The following TMEFF1 variants were observed in gnomAD, a reference collection of about 807,000 sequenced individuals.
The protein encoded by TMEFF1 is tomoregulin-1.
In TMEFF1, 20 loss-of-function variants were observed where a neutral mutation model predicts 47.5. The ratio of observed to expected loss-of-function variants is 0.42; its 90% CI spans 0.30 to 0.61. The LOEUF is 0.61. Ranked by LOEUF, TMEFF1 falls within the 20% of genes least tolerant of loss-of-function variation. TMEFF1 has a pLI of 0.19. For synonymous variants in TMEFF1, 162 were observed against 166.3 expected, an observed-to-expected ratio of 0.97 and a Z score of 0.20; for missense variants, 411 against 471.1, an observed-to-expected ratio of 0.87 and a Z score of 1.18.
intron 8 of TMEFF1, among the ~76,000 whole-genome samples, chr9:100,567,205 C>T (rs1395026560): frequency 6.6e-6 from 1 of 152,212 alleles, no homozygotes; most frequent in Non-Finnish European, 1.5e-5. Context: ...GCCATGCATG[C>T]ATGGATGCTC....
chr9:100,542,120 A>G (rs1422119285), intron 5 of TMEFF1, among the ~76,000 whole-genome samples: 1 of 133,376 alleles, frequency 7.5e-6, no homozygotes, highest in Non-Finnish European at 1.6e-5. Context: ...CCTTTTTTGG[A>G]TTTTTTTTTT....
intron 1 of TMEFF1, among the ~76,000 whole-genome samples, chr9:100,489,296 C>G (rs538772728): frequency 1.3e-5 from 2 of 152,154 alleles, no homozygotes; most frequent in East Asian, 3.9e-4. Flanking sequence ...CAGCCTTGAC[C>G]TCCGGCTCGT....
Position 100,576,498 on chromosome 9 carries a change from C to CT in TMEFF1, c.1059-11dup, listed in dbSNP as rs1564031645. 1 of 1,602,050 alleles carries CT rather than the reference C, an allele frequency of 6.2e-7. No individual in the cohort carries two copies. The highest frequency in any genetic ancestry group is 8.5e-7 in the Non-Finnish European group (1 of 1,176,662). ...ATCAAAACAATATTTTTCTCTCTTTCTTTTTTTAATGCAACAGAAAATGCC... is the reference window on the plus strand; with the variant it reads ...ATCAAAACAATATTTTTCTCTCTTTCTTTTTTTTAATGCAACAGAAAATGCC... On this transcript the variant is annotated splice_polypyrimidine_tract_variant and intron_variant, in intron 9 of 9. Transcript: ENST00000374879.
chr9:100,516,546 G>A lies in TMEFF1; in HGVS notation c.464-129G>A, dbSNP rs1423904874. On this transcript the variant is annotated intron_variant, in intron 4 of 9. Transcript: ENST00000374879. Reference sequence around the variant, plus strand: ...TGAACTTCAAGCATTGGTAGATTTTGGAAGTGACTGTTTTCAAGAGCTCAG... The same window carrying A: ...TGAACTTCAAGCATTGGTAGATTTTAGAAGTGACTGTTTTCAAGAGCTCAG... The A allele has an allele frequency of 5.0e-5, 59 of 1,174,138 alleles. 1 individual carries two copies. The South Asian group carries it at 9.4e-4, about 19-fold the overall frequency. The allele number at this position is 1,174,138 out of a possible 1,614,324, so 72.7% of individuals were successfully genotyped here.
At chr9:100,560,710 T>C (rs1348054373) in intron 7 of TMEFF1, among the ~76,000 whole-genome samples, 2 of 152,226 alleles carry the variant, frequency 1.3e-5, no homozygotes, top group Non-Finnish European at 2.9e-5. Context: ...TACTTAAGTC[T>C]GAGCAGATGT....
At chr9:100,485,650 T>A (rs1837433306) in intron 1 of TMEFF1, among the ~76,000 whole-genome samples, 2 of 152,224 alleles carry the variant, frequency 1.3e-5, no homozygotes, top group Admixed American at 1.3e-4. Context: ...GGGAGATAAC[T>A]TCAACCTATT....
intron 2 of TMEFF1, among the ~76,000 whole-genome samples, chr9:100,506,644 G>A (rs1418771939): frequency 6.6e-6 from 1 of 151,428 alleles, no homozygotes; most frequent in African/African-American, 2.4e-5. Context: ...GCGGGCGCCT[G>A]TAGTCCCAGC....
chr9:100,538,193 C>T (rs1838557530), intron 5 of TMEFF1, among the ~76,000 whole-genome samples: 2 of 152,062 alleles, frequency 1.3e-5, no homozygotes, highest in African/African-American at 4.8e-5. Flanking sequence ...GCTGGGACTA[C>T]AGGTGCCTGC....
rs113730052 is a variant in TMEFF1 at position 100,572,100 on chromosome 9, T to TG, written c.900-411dup. On this transcript the variant is annotated intron_variant, in intron 8 of 9. Coordinates refer to ENST00000374879, the MANE Select transcript of TMEFF1 (RefSeq NM_003692.5). The stretch of plus-strand genomic sequence containing the variant: ...CAATATCTGTCCATGGCCCGGGAGT[T>TG]GGGGGGGATCCCTGTTGTACATGAT... Among the ~76,000 whole-genome samples the TG allele has an allele frequency of 5.4e-3, 828 of 152,104 alleles. 5 individuals carry two copies. The highest frequency in any genetic ancestry group is 0.018 in the African/African-American group (742 of 41,508).
At chr9:100,539,420 C>T (rs1006791136) in intron 5 of TMEFF1, among the ~76,000 whole-genome samples, 4 of 152,114 alleles carry the variant, frequency 2.6e-5, no homozygotes, top group Non-Finnish European at 4.4e-5. Context: ...ATGGTATGTC[C>T]GGAGTTTGTT....
chr9:100,525,663 C>T (rs1236553607), intron 5 of TMEFF1, among the ~76,000 whole-genome samples: 2 of 152,138 alleles, frequency 1.3e-5, no homozygotes, highest in East Asian at 3.9e-4. Context: ...AACCCCTGTC[C>T]CCTTCCCAGA....
intron 2 of TMEFF1, among the ~76,000 whole-genome samples, chr9:100,507,175 G>T (rs1587826840): frequency 6.6e-6 from 1 of 152,132 alleles, no homozygotes; most frequent in South Asian, 2.1e-4. Flanking sequence ...CCATGTTGCT[G>T]CAGAGGACAT....
intron 3 of TMEFF1, among the ~76,000 whole-genome samples, chr9:100,510,638 T>G (rs1298652760): frequency 6.7e-6 from 1 of 149,906 alleles, no homozygotes; most frequent in Non-Finnish European, 1.5e-5. Context: ...CCAGGTTCAT[T>G]TTTTTTTTGT....
At chr9:100,532,356 A>G (rs1247473953) in intron 5 of TMEFF1, among the ~76,000 whole-genome samples, 5 of 152,212 alleles carry the variant, frequency 3.3e-5, no homozygotes, top group African/African-American at 4.8e-5. Context: ...ACAAAGGGCT[A>G]ATATCCAGAA....
Position 100,558,146 on chromosome 9 carries a change from G to T in TMEFF1, c.776-3251G>T, listed in dbSNP as rs539607174. ...AACTTCCTCTGACTGCTTTCACCTA[G>T]CTGAGTTCTCTTATAGCTTTCAGCT... On this transcript the variant is annotated intron_variant, in intron 7 of 9. Transcript: ENST00000374879. 7.2e-5 allele frequency among the ~76,000 whole-genome samples: 11 copies of T among 152,182 alleles called. No homozygotes were observed. In the East Asian group the frequency reaches 1.7e-3, roughly 24 times the overall value.
intron 1 of TMEFF1, among the ~76,000 whole-genome samples, chr9:100,496,752 A>G (rs1184053562): frequency 6.6e-6 from 1 of 152,248 alleles, no homozygotes; most frequent in African/African-American, 2.4e-5. Context: ...ATCATAACTC[A>G]GAGTATTATC....
Position 100,551,448 on chromosome 9 carries a change from G to A in TMEFF1, c.775+1288G>A, listed in dbSNP as rs140859575. Among the ~76,000 whole-genome samples the A allele has an allele frequency of 1.1e-3, 161 of 152,232 alleles. 1 individual carries two copies. The highest frequency in any genetic ancestry group is 3.7e-3 in the African/African-American group (153 of 41,536). ...AAAATAGAAAATTTCCTGTATTCTC[G>A]TAGGAGACAAAATAGGTCAGCTTCA... On this transcript the variant is annotated intron_variant, in intron 7 of 9. Coordinates refer to ENST00000374879, the MANE Select transcript of TMEFF1 (RefSeq NM_003692.5).
chr9:100,508,871 C>CAAAAA, intron 2 of TMEFF1, 134 bp from the exon 3 acceptor site: 1 of 974,078 alleles, frequency 1.0e-6, no homozygotes, highest in Non-Finnish European at 1.3e-6. Context: ...CTTTTTAAGC[C>CAAAAA]AAAAAAAAAA....
At chr9:100,518,470 C>CAATA in intron 5 of TMEFF1, 1 of 985,348 alleles carries the variant, frequency 1.0e-6, no homozygotes. Flanking sequence ...AAGGGCTTAC[C>CAATA]AATAGTAAGG....
Sources: allele counts gnomAD v4.1 joint callset (sites outside exome capture counted in the v4.1 genomes callset), GRCh38; gene constraint gnomAD v4.1.1; transcripts MANE v1.5; gene names NCBI Gene and HGNC (gene_info 2026-07-23, HGNC 2026-07-21).